Variants in TOX3 observed in about 807,000 individuals in gnomAD.
The protein encoded by TOX3 is CAG trinucleotide repeat-containing gene F9 protein.
Under a neutral mutation model 64.3 loss-of-function variants are expected in TOX3, and 22 were observed. The ratio of observed to expected loss-of-function variants is 0.34; its 90% CI spans 0.24 to 0.49. The LOEUF is 0.49. TOX3 is among the 20% of genes least tolerant of loss of function. The pLI is 0.99. For missense variants in TOX3, 661 were observed against 714.4 expected, an observed-to-expected ratio of 0.93 and a Z score of 0.85; for synonymous variants, 291 against 273.6, an observed-to-expected ratio of 1.06 and a Z score of -0.63.
intron 2 of TOX3, among the ~76,000 whole-genome samples, chr16:52,467,647 T>C (rs1457949268): frequency 6.6e-6 from 1 of 152,234 alleles, no homozygotes; most frequent in Non-Finnish European, 1.5e-5. Context: ...ATTTCACTTC[T>C]GTTTGTTCTT....
chr16:52,544,355 T>C (rs1481836359), intron 1 of TOX3, among the ~76,000 whole-genome samples: 1 of 152,234 alleles, frequency 6.6e-6, no homozygotes, highest in Admixed American at 6.5e-5. Flanking sequence ...AGGAAAATTA[T>C]GGGAAATAAA....
chr16:52,457,955 A>C (rs916086723), intron 3 of TOX3, among the ~76,000 whole-genome samples: 1 of 152,186 alleles, frequency 6.6e-6, no homozygotes, highest in African/African-American at 2.4e-5. Context: ...TGGCAAAATA[A>C]AATTTTCAAG....
chr16:52,545,974 A>T (rs1256794172), intron 1 of TOX3, among the ~76,000 whole-genome samples: 1 of 152,048 alleles, frequency 6.6e-6, no homozygotes, highest in African/African-American at 2.4e-5. Context: ...ATCTCCCCGA[A>T]ATGCAAAACT....
chr16:52,538,377 A>G (rs1217497020), intron 1 of TOX3, among the ~76,000 whole-genome samples: 1 of 152,200 alleles, frequency 6.6e-6, no homozygotes, highest in Non-Finnish European at 1.5e-5. Flanking sequence ...TTATTATTCT[A>G]CAGTAAATCC....
chr16:52,451,160 T>C (rs9930350), intron 3 of TOX3, among the ~76,000 whole-genome samples: 1 of 152,332 alleles, frequency 6.6e-6, no homozygotes, highest in African/African-American at 2.4e-5. Flanking sequence ...TCCTCTGTGG[T>C]TAACCAGACG....
chr16:52,527,983 G>C (rs1962760308), intron 1 of TOX3, among the ~76,000 whole-genome samples: 1 of 152,154 alleles, frequency 6.6e-6, no homozygotes, highest in African/African-American at 2.4e-5. Context: ...ACACAGGAAA[G>C]TTCCCCAAAA....
At chr16:52,446,329 A>C (rs2151743019) in intron 4 of TOX3, 108 bp from the exon 5 acceptor site, 1 of 1,152,790 alleles carries the variant, frequency 8.7e-7, no homozygotes, top group African/African-American at 1.5e-5. Context: ...AGGCATCATC[A>C]ACAGATGAAT....
rs1184957418 is a variant in TOX3 at position 52,436,827 on chromosome 16, T to A, written c.*2398A>T. ...AGACTTCACTTGCAATTAAGTCTTA[T>A]CACTAGTGACATTTTTTTCCAAGCA... On this transcript the variant is annotated 3_prime_UTR_variant, in exon 7 of 7. Coordinates refer to ENST00000219746, the MANE Select transcript of TOX3 (RefSeq NM_001080430.4). 6.6e-6 allele frequency: 1 copy of A among 152,250 alleles called. No individual in the cohort carries two copies. The highest frequency in any genetic ancestry group is 1.5e-5 in the Non-Finnish European group (1 of 68,044). The allele number at this position is 152,250 out of a possible 1,614,324, so 9.4% of individuals were successfully genotyped here.
At chr16:52,504,228 T>C (rs1326624675) in intron 1 of TOX3, among the ~76,000 whole-genome samples, 1 of 151,820 alleles carries the variant, frequency 6.6e-6, no homozygotes, top group Non-Finnish European at 1.5e-5. Flanking sequence ...GCACTTTGGG[T>C]GGCTGAGGCA....
chr16:52,513,595 T>A (rs1017134992), intron 1 of TOX3, among the ~76,000 whole-genome samples: 3 of 152,226 alleles, frequency 2.0e-5, no homozygotes, highest in African/African-American at 7.2e-5. Flanking sequence ...GTTAGTTTGC[T>A]TTCCAAAGTA....
chr16:52,446,026 T>A lies in TOX3; in HGVS notation c.874A>T (p.Met292Leu). The A allele has an allele frequency of 6.2e-7, 1 of 1,613,958 alleles. No homozygotes were observed. Residue 292 changes from methionine (M) to leucine (L), a missense_variant, in exon 5 of 7, where the codon ATG becomes TTG. Around this residue, in one of 3 missense-constraint regions of TOX3, gnomAD observed 103 missense variants for 161.2 expected, o/e 0.64. Transcript: ENST00000219746. ...TGTTCTTCTCCAAGGCTGTCCCACA[T>A]AGATGCTACAATTTTTGAGACCTCT... ...FGEVSKIVASMWDSLGEEQKQ... is the reference protein window; with the variant it reads ...FGEVSKIVASLWDSLGEEQKQ...
At chr16:52,491,705 A>G (rs944519317) in intron 1 of TOX3, among the ~76,000 whole-genome samples, 1 of 152,112 alleles carries the variant, frequency 6.6e-6, no homozygotes, top group Non-Finnish European at 1.5e-5. Flanking sequence ...TGGATACACT[A>G]TGTGGAACAC....
intron 3 of TOX3, among the ~76,000 whole-genome samples, chr16:52,459,764 C>T (rs1377155886): frequency 6.6e-5 from 10 of 152,066 alleles, no homozygotes; most frequent in African/African-American, 1.9e-4. Context: ...CATTAAGCAA[C>T]GTTGCTAAAA....
chr16:52,541,907 A>G (rs1368390749), intron 1 of TOX3, among the ~76,000 whole-genome samples: 2 of 152,206 alleles, frequency 1.3e-5, no homozygotes, highest in African/African-American at 4.8e-5. Context: ...TCATGGGCCC[A>G]CAACAATGTT....
At chr16:52,475,915 AG>A (rs1485640462) in intron 1 of TOX3, among the ~76,000 whole-genome samples, 5 of 152,194 alleles carry the variant, frequency 3.3e-5, no homozygotes, top group Non-Finnish European at 7.3e-5. Flanking sequence ...CCAGCTTTGA[AG>A]GAACTCCAAA....
rs986221697 is a variant in TOX3, at chr16:52,464,097, G to A, written c.245C>T (p.Pro82Leu). ...GGCTTGAAAGGGTAGCAGTACATCC[G>A]GCATGCCTAGGGCAGGGTCTGACTC... ...PPESDPALGM[P>L]DVLLPFQALS... Residue 82 changes from proline to leucine, a missense_variant, in exon 3 of 7, where the codon CCG becomes CTG. Coordinates refer to ENST00000219746, the MANE Select transcript of TOX3 (RefSeq NM_001080430.4). 9.4e-6 allele frequency: 15 copies of A among 1,602,022 alleles called. No individual in the cohort carries two copies. The highest frequency in any genetic ancestry group is 5.4e-5 in the African/African-American group (4 of 74,546).
At chr16:52,468,852 G>A (rs1267943729) in intron 1 of TOX3, among the ~76,000 whole-genome samples, 1 of 152,210 alleles carries the variant, frequency 6.6e-6, no homozygotes, top group Non-Finnish European at 1.5e-5. Flanking sequence ...GGTCACCAGT[G>A]TGTGTTGCTT....
At chr16:52,519,588 A>G (rs1172002274) in intron 1 of TOX3, 1 of 1,423,818 alleles carries the variant, frequency 7.0e-7, no homozygotes, top group Non-Finnish European at 9.2e-7. Flanking sequence ...AGCTGAGCAG[A>G]CGAAAAAAAA....
intron 1 of TOX3, among the ~76,000 whole-genome samples, chr16:52,542,569 G>A (rs9933351): frequency 0.014 from 2,200 of 152,240 alleles, 73 homozygotes; most frequent in African/African-American, 0.05. Flanking sequence ...TAATGCTGAC[G>A]AAGGCTATCC....
Sources: allele counts gnomAD v4.1 joint callset (sites outside exome capture counted in the v4.1 genomes callset), GRCh38; gene constraint gnomAD v4.1.1; regional missense constraint gnomAD v4.1.1; transcripts MANE v1.5; gene names NCBI Gene and HGNC (gene_info 2026-07-23, HGNC 2026-07-21).